Variants in NSUN3 observed in about 807,000 individuals in gnomAD.
NSUN3 encodes NOP2/Sun RNA methyltransferase 3.
NSUN3 carries 24 observed loss-of-function variants against 36.8 expected under a neutral mutation model. The ratio of observed to expected loss-of-function variants is 0.65; its 90% confidence interval spans 0.47 to 0.92. The LOEUF is 0.92. Ranked by LOEUF, NSUN3 falls within the 40% of genes least tolerant of loss-of-function variation. The pLI, the probability that NSUN3 is intolerant of heterozygous loss-of-function variation, is 0.00. For synonymous variants in NSUN3, 146 were observed against 145.2 expected (o/e 1.01, Z -0.04); for missense variants, 381 against 392.8 (o/e 0.97, Z 0.25).
At position 94,126,461 on chromosome 3, in the gene NSUN3, A is replaced by G. The variant is rs772519787; in HGVS notation, c.994A>G (p.Lys332Glu). 1.9e-5 allele frequency: 30 copies of G among 1,610,570 alleles called. No homozygotes were observed. The Middle Eastern group carries it at 6.6e-4, about 35-fold the overall frequency. Residue 332 changes from lysine to glutamate, a missense_variant, in exon 6 of 6, where the codon AAG (lysine) becomes GAG (glutamate). Coordinates refer to ENST00000314622, the MANE Select transcript of NSUN3 (RefSeq NM_022072.5). ...AWGPMYVAKL[K>E]KSWSTGKW ...GGGCCCAATGTATGTAGCCAAATTG[A>G]AGAAATCATGGAGCACAGGAAAATG... is the stretch of plus-strand genomic sequence containing the variant.
chr3:94,075,730 G>GCC (rs573466450), intron 2 of NSUN3, among the ~76,000 whole-genome samples: 73 of 142,308 alleles, frequency 5.1e-4, no homozygotes, highest in Admixed American at 1.6e-3. Context: ...GCTGAATCAA[G>GCC]CCCCCCCCCC....
At chr3:94,083,611 G>T (rs1022210575) in intron 2 of NSUN3, among the ~76,000 whole-genome samples, 2 of 152,186 alleles carry the variant, frequency 1.3e-5, no homozygotes, top group Non-Finnish European at 2.9e-5. Flanking sequence ...CCACTTCTAT[G>T]CAAGCGTGTG....
chr3:94,110,470 CAGAG>C (rs1374847659), intron 5 of NSUN3, among the ~76,000 whole-genome samples: 1 of 152,050 alleles, frequency 6.6e-6, no homozygotes. Context: ...TTTCAACACA[CAGAG>C]AGCATTCCTG....
At chr3:94,115,312 G>A (rs1319590295) in intron 5 of NSUN3, among the ~76,000 whole-genome samples, 1 of 152,090 alleles carries the variant, frequency 6.6e-6, no homozygotes, top group Admixed American at 6.5e-5. Context: ...TTTAAAAAAT[G>A]TATAATGCTA....
chr3:94,076,472 T>A (rs2077246781), intron 2 of NSUN3: 2 of 787,748 alleles, frequency 2.5e-6, no homozygotes, highest in Admixed American at 3.4e-5. Context: ...ATGGAACAGA[T>A]GCCAGGAAAC....
chr3:94,113,623 C>T (rs913715771), intron 5 of NSUN3, among the ~76,000 whole-genome samples: 8 of 152,204 alleles, frequency 5.3e-5, no homozygotes, highest in African/African-American at 1.9e-4. Flanking sequence ...AAGAAAGTTT[C>T]ATGAAGTTGA....
At chr3:94,123,172 C>T (rs932171041) in intron 5 of NSUN3, among the ~76,000 whole-genome samples, 1 of 152,136 alleles carries the variant, frequency 6.6e-6, no homozygotes. Context: ...TGGAGAGCTC[C>T]CTCTTTTTCC....
chr3:94,064,501 A>C lies in NSUN3; in HGVS notation c.77A>C (p.Glu26Ala). 1 of 1,613,720 alleles carries C rather than the reference A, an allele frequency of 6.2e-7. No homozygotes were observed. Among genetic ancestry groups the C allele is most frequent in the East Asian group, 2.2e-5 (1 of 44,838 alleles). The stretch of plus-strand genomic sequence containing the variant: ...TGCAAAGTTGTGTTGGATCATTTTG[A>C]AAAACAGTATTCCAAAGAACTCGGA... ...QICKVVLDHFEKQYSKELGDA... is the reference protein window; with the variant it reads ...QICKVVLDHFAKQYSKELGDA... Residue 26 changes from glutamate (E) to alanine (A), a missense_variant, in exon 2 of 6, where the codon GAA (glutamate) becomes GCA (alanine). By Grantham distance (107) the Glu-to-Ala change is moderately radical (BLOSUM62 -1). Transcript: ENST00000314622.
intron 3 of NSUN3, among the ~76,000 whole-genome samples, chr3:94,089,888 G>A (rs2077307545): frequency 6.6e-6 from 1 of 152,064 alleles, no homozygotes; most frequent in Admixed American, 6.6e-5. Context: ...CTTCTGAGGA[G>A]GCAAGAATTG....
intron 3 of NSUN3, chr3:94,085,508 G>C (rs942334516): frequency 6.6e-6 from 1 of 152,374 alleles, no homozygotes; most frequent in South Asian, 2.1e-4. Flanking sequence ...TGTAATCCCA[G>C]CACTTTGGGA....
At chr3:94,119,203 T>C (rs2077452064) in intron 5 of NSUN3, among the ~76,000 whole-genome samples, 1 of 152,204 alleles carries the variant, frequency 6.6e-6, no homozygotes, top group East Asian at 1.9e-4. Flanking sequence ...GCTTAGTATA[T>C]TGTAAAATAC....
intron 2 of NSUN3, among the ~76,000 whole-genome samples, chr3:94,066,061 A>T (rs1400788422): frequency 6.6e-6 from 1 of 151,550 alleles, no homozygotes; most frequent in Non-Finnish European, 1.5e-5. Context: ...TGATTTAAAA[A>T]AAAAAAAGAT....
At chr3:94,125,013 A>T (rs2077479651) in intron 5 of NSUN3, among the ~76,000 whole-genome samples, 2 of 152,082 alleles carry the variant, frequency 1.3e-5, no homozygotes, top group Admixed American at 6.6e-5. Flanking sequence ...TTGTGGAGAG[A>T]TTTCTTCAAC....
intron 5 of NSUN3, among the ~76,000 whole-genome samples, chr3:94,095,913 A>ATTTTTTTTTTTTTTTTTT (rs60524751): frequency 8.0e-6 from 1 of 124,528 alleles, no homozygotes; most frequent in Non-Finnish European, 1.7e-5. Flanking sequence ...AGCCTAGCTA[A>ATTTTTTTTTTTTTTTTTT]TTTTTTTTTT....
intron 2 of NSUN3, among the ~76,000 whole-genome samples, chr3:94,074,622 T>C (rs1351433009): frequency 1.3e-5 from 2 of 152,220 alleles, no homozygotes; most frequent in African/African-American, 2.4e-5. Context: ...TATTGGTATA[T>C]AGGAATGCTT....
chr3:94,106,889 TTCCCAA>T (rs1366541522), intron 5 of NSUN3, among the ~76,000 whole-genome samples: 4 of 152,026 alleles, frequency 2.6e-5, no homozygotes, highest in Non-Finnish European at 5.9e-5. Context: ...GAAGAAAAAA[TTCCCAA>T]AATGCTTCAG....
At chr3:94,093,573 C>G (rs749342647) in intron 3 of NSUN3, among the ~76,000 whole-genome samples, 1 of 150,572 alleles carries the variant, frequency 6.6e-6, no homozygotes, top group Non-Finnish European at 1.5e-5. Context: ...AGGTGCCATG[C>G]TTTGGGTCTT....
At chr3:94,078,611 C>G (rs1157919541) in intron 2 of NSUN3, among the ~76,000 whole-genome samples, 2 of 152,154 alleles carry the variant, frequency 1.3e-5, no homozygotes, top group African/African-American at 4.8e-5. Context: ...CTTCATGAAT[C>G]TGGATGCTCC....
intron 5 of NSUN3, among the ~76,000 whole-genome samples, chr3:94,102,360 T>G (rs935842461): frequency 6.6e-6 from 1 of 152,122 alleles, no homozygotes; most frequent in African/African-American, 2.4e-5. Context: ...AATATTTGAA[T>G]ATATGGGGCT....
Sources: allele counts gnomAD v4.1 joint callset (sites outside exome capture counted in the v4.1 genomes callset), GRCh38; gene constraint gnomAD v4.1.1; transcripts MANE v1.5; gene names NCBI Gene and HGNC (gene_info 2026-07-23, HGNC 2026-07-21).